Variants in NBEA observed in about 807,000 individuals in gnomAD.
The protein encoded by NBEA is lysosomal-trafficking regulator 2.
NBEA carries 44 observed loss-of-function variants against 343.4 expected under a neutral mutation model. That is an observed-to-expected ratio of 0.13 (90% CI 0.10 to 0.16). The LOEUF is 0.16. Ranked by LOEUF, NBEA falls within the 10% of genes least tolerant of loss-of-function variation. NBEA has a pLI of 1.00. For synonymous variants in NBEA, 1,175 were observed against 1,238.7 expected (o/e 0.95, Z 1.08); for missense variants, 2,555 against 3,631.3 (o/e 0.70, Z 7.62).
At chr13:35,352,937 A>G (rs74050706) in intron 38 of NBEA, among the ~76,000 whole-genome samples, 1,600 of 152,118 alleles carry the variant, frequency 0.011, 33 homozygotes, top group African/African-American at 0.037. Flanking sequence ...TGTTGTTGTT[A>G]TCTATACAAT....
At position 35,555,042 on chromosome 13, in the gene NBEA, C is replaced by T; in HGVS notation, c.6862C>T (p.Arg2288Cys). ...TTATAAATCTTCCAATATGACTCAG[C>T]GCTGGCAAAGAAGGGAAATTTCAAA... The part of the protein sequence containing the change: ...QLYKSSNMTQ[R>C]WQRREISNFE... The change falls in exon 44 of 59, where the codon CGC (arginine) becomes TGC (cysteine). Residue 2288 changes from arginine (R) to cysteine (C), a missense_variant. Physicochemically the swap from Arg to Cys is radical, Grantham distance 180. Coordinates refer to ENST00000379939, the MANE Select transcript of NBEA (RefSeq NM_001385012.1). 1.2e-6 allele frequency: 2 copies of T among 1,612,190 alleles called. No homozygotes were observed. The highest frequency in any genetic ancestry group is 1.7e-6 in the Non-Finnish European group (2 of 1,178,852).
intron 41 of NBEA, among the ~76,000 whole-genome samples, chr13:35,511,439 G>A (rs942341439): frequency 3.3e-5 from 5 of 152,088 alleles, no homozygotes; most frequent in African/African-American, 1.2e-4. Flanking sequence ...AACCTACAAT[G>A]AAATATTAAG....
chr13:35,337,679 T>G (rs2039344372), intron 36 of NBEA, among the ~76,000 whole-genome samples: 1 of 152,064 alleles, frequency 6.6e-6, no homozygotes, highest in South Asian at 2.1e-4. Context: ...CACATGTTCT[T>G]CACAAGTGCA....
chr13:34,986,664 G>C (rs1485122850), intron 1 of NBEA, among the ~76,000 whole-genome samples: 1 of 150,792 alleles, frequency 6.6e-6, no homozygotes, highest in Non-Finnish European at 1.5e-5. Flanking sequence ...TATTGTGTGG[G>C]AGTCTAAGTC....
intron 17 of NBEA, among the ~76,000 whole-genome samples, chr13:35,127,087 C>T (rs773391583): frequency 6.6e-6 from 1 of 151,970 alleles, no homozygotes; most frequent in Non-Finnish European, 1.5e-5. Flanking sequence ...CCAGGGAAAA[C>T]TGACCTAGAA....
chr13:35,129,873 A>G (rs2067321320), intron 17 of NBEA, among the ~76,000 whole-genome samples: 1 of 152,106 alleles, frequency 6.6e-6, no homozygotes, highest in Non-Finnish European at 1.5e-5. Context: ...GCCATATAAT[A>G]TTAAAAGAAA....
intron 34 of NBEA, among the ~76,000 whole-genome samples, chr13:35,261,437 G>A (rs1198289137): frequency 6.6e-6 from 1 of 152,086 alleles, no homozygotes; most frequent in Non-Finnish European, 1.5e-5. Context: ...CTGGAACCTG[G>A]GAGGTGGAGG....
At chr13:35,018,104 T>C (rs1019545031) in intron 1 of NBEA, among the ~76,000 whole-genome samples, 2 of 152,172 alleles carry the variant, frequency 1.3e-5, no homozygotes, top group South Asian at 4.1e-4. Context: ...TCTGTTAATG[T>C]GTATGTCTAT....
Position 35,349,222 on chromosome 13 carries a change from G to A in NBEA, c.6012+6G>A. On this transcript the variant is annotated splice_donor_region_variant and intron_variant, in intron 37 of 58. Transcript: ENST00000379939. The stretch of plus-strand genomic sequence containing the variant: ...ATAAACATGCAGAGTTTGAGGTAAG[G>A]TTTTGGGAGTAGACTAAATTCTGCC... 1.3e-6 allele frequency: 2 copies of A among 1,534,650 alleles called. No individual in the cohort carries two copies. Among genetic ancestry groups the A allele is most frequent in the Non-Finnish European group, 1.8e-6 (2 of 1,120,918 alleles).
rs74426003 is a variant in NBEA, at chr13:35,025,126, T to A, written c.295-15807T>A. On this transcript the variant is annotated intron_variant, in intron 1 of 58. Transcript: ENST00000379939. ...ATATTTTCTCCCATTCTTTAGGTTG[T>A]CTGCTTATTTTGTTGATAGTTTCTT... is the stretch of plus-strand genomic sequence containing the variant. 5.9e-5 allele frequency among the ~76,000 whole-genome samples: 9 copies of A among 152,312 alleles called. No homozygotes were observed. The East Asian group carries it at 1.7e-3, about 29-fold the overall frequency.
In NBEA at chr13:35,671,769, TC is replaced by T. The variant is rs1484935123; in HGVS notation, c.*779del. 2 of 152,632 alleles carry T rather than the reference TC, an allele frequency of 1.3e-5. No individual in the cohort carries two copies. Among genetic ancestry groups the T allele is most frequent in the Admixed American group, 6.5e-5 (1 of 15,286 alleles). 9.5% of individuals were successfully genotyped at this position (152,632 alleles called of 1,614,324 possible). On this transcript the variant is annotated 3_prime_UTR_variant, in exon 59 of 59. Transcript: ENST00000379939. ...TTTGGGTACTTTATACAAAGAAAAT[TC>T]AGCCCTACCCTGCATAATTTGAAGA...
At chr13:35,604,028 C>A (rs1468172069) in intron 47 of NBEA, among the ~76,000 whole-genome samples, 1 of 152,132 alleles carries the variant, frequency 6.6e-6, no homozygotes, top group African/African-American at 2.4e-5. Context: ...ATGAGAACAG[C>A]AGTGATTCTT....
At chr13:35,038,441 C>T (rs1233350134) in intron 1 of NBEA, among the ~76,000 whole-genome samples, 1 of 152,044 alleles carries the variant, frequency 6.6e-6, no homozygotes, top group Non-Finnish European at 1.5e-5. Context: ...GGGGTTTTGC[C>T]CCATAGCCAC....
chr13:35,010,769 T>C lies in NBEA; in HGVS notation c.295-30164T>C, dbSNP rs185695558. Among the ~76,000 whole-genome samples, 288 of 102,592 alleles carry C rather than the reference T, an allele frequency of 2.8e-3. 17 individuals carry two copies. The highest frequency in any genetic ancestry group is 0.011 in the African/African-American group (278 of 24,880). The allele number at this position is 102,592 out of a possible 152,430, so 67.3% of individuals were successfully genotyped here. A position where few individuals can be genotyped will look rare whatever the true frequency, so the allele number is the denominator to read the frequency against. On this transcript the variant is annotated intron_variant, in intron 1 of 58. Coordinates refer to ENST00000379939, the MANE Select transcript of NBEA (RefSeq NM_001385012.1). ...ATATATATATATATATATATATATATATATATATATAAGCTGGGTGTGGTG... is the reference window on the plus strand; with the variant it reads ...ATATATATATATATATATATATATACATATATATATAAGCTGGGTGTGGTG...
chr13:35,146,284 T>C (rs1046584116), intron 18 of NBEA, among the ~76,000 whole-genome samples: 3 of 152,202 alleles, frequency 2.0e-5, no homozygotes, highest in Admixed American at 1.3e-4. Flanking sequence ...GTAAAGCGTT[T>C]TGATTTTGGA....
chr13:35,350,013 C>T lies in NBEA; in HGVS notation c.6012+797C>T, dbSNP rs565648953. On this transcript the variant is annotated intron_variant, in intron 37 of 58. Coordinates refer to ENST00000379939, the MANE Select transcript of NBEA (RefSeq NM_001385012.1). ...ACTTGTCTTGTGAAATTGCAACAAC[C>T]GTATTCTGAGAAAGATACCAGATAT... 7.6e-4 allele frequency among the ~76,000 whole-genome samples: 116 copies of T among 152,060 alleles called. 3 individuals carry two copies. The South Asian group carries it at 0.023, about 31-fold the overall frequency.
At chr13:35,194,055 G>A (rs939369015) in intron 30 of NBEA, among the ~76,000 whole-genome samples, 1 of 151,812 alleles carries the variant, frequency 6.6e-6, no homozygotes, top group African/African-American at 2.4e-5. Context: ...TCAAAACCTG[G>A]CAACATTTTT....
intron 48 of NBEA, among the ~76,000 whole-genome samples, chr13:35,613,603 G>A (rs1395689834): frequency 6.9e-6 from 1 of 144,772 alleles, no homozygotes; most frequent in Non-Finnish European, 1.5e-5. Context: ...TCTATTTTTA[G>A]TTGTTTTTGT....
chr13:35,341,405 AT>A (rs573624674), intron 36 of NBEA, among the ~76,000 whole-genome samples: 2 of 152,110 alleles, frequency 1.3e-5, no homozygotes, highest in South Asian at 4.1e-4. Context: ...AGTCATCAAA[AT>A]TTAAAACTTG....
Sources: allele counts gnomAD v4.1 joint callset (sites outside exome capture counted in the v4.1 genomes callset), GRCh38; gene constraint gnomAD v4.1.1; transcripts MANE v1.5; gene names NCBI Gene and HGNC (gene_info 2026-07-23, HGNC 2026-07-21).